KRTAP16-1: variants seen among roughly 807,000 people sequenced by gnomAD.
The protein encoded by KRTAP16-1 is keratin-associated protein 16-1.
For synonymous variants in KRTAP16-1, 262 were observed against 248.0 expected, an observed-to-expected ratio of 1.06 and a Z score of -0.53; for missense variants, 675 against 657.7, an observed-to-expected ratio of 1.03 and a Z score of -0.29.
Position 41,307,820 on chromosome 17 carries a change from G to A in KRTAP16-1, c.1434C>T (p.Pro478=), listed in dbSNP as rs1269184497. The A allele has an allele frequency of 1.9e-6, 3 of 1,550,706 alleles. No homozygotes were observed. In the South Asian group the frequency reaches 3.6e-5, roughly 18 times the overall value. ...CCTCTTCTGAGACATCCACCTTGCA[G>A]GGGGTTGTGTCAACACAATCCAGTT... ...SSQLDCVDTT[P]CKVDVSEEAP... The change falls in exon 1 of 1, where the codon CCC becomes CCT. Residue 478 remains proline (P), a synonymous_variant. Coordinates refer to ENST00000391352, the MANE Select transcript of KRTAP16-1 (RefSeq NM_001146182.2).
chr17:41,309,143 G>A lies in KRTAP16-1; in HGVS notation c.111C>T (p.Ser37=), dbSNP rs1444532759. 3 of 1,550,506 alleles carry A rather than the reference G, an allele frequency of 1.9e-6. No homozygotes were observed. The African/African-American group carries it at 4.1e-5, about 21-fold the overall frequency. The stretch of plus-strand genomic sequence containing the variant: ...GACAAGTCACCAGCTGCCATGTCTG[G>A]CTCTGGCAGGAACTGGGCAGGCAGA... ...GPICLPSSCQ[S]QTWQLVTCQD... is the part of the protein sequence containing the mutation. The change falls in exon 1 of 1, where the codon AGC becomes AGT. Residue 37 remains serine, a synonymous_variant. Coordinates refer to ENST00000391352, the MANE Select transcript of KRTAP16-1 (RefSeq NM_001146182.2).
chr17:41,308,827 A>C lies in KRTAP16-1; in HGVS notation c.427T>G (p.Cys143Gly), dbSNP rs1484091579. 1 of 1,545,316 alleles carries C rather than the reference A, an allele frequency of 6.5e-7. No homozygotes were observed. The highest frequency in any genetic ancestry group is 1.2e-5 in the South Asian group (1 of 83,586). The change falls in exon 1 of 1, where the codon TGT (cysteine) becomes GGT (glycine). Residue 143 changes from cysteine to glycine, a missense_variant. Transcript: ENST00000391352. ...GGTTGAGCACAGCTGCTCACGGAAC[A>C]AGAAGGCTCACAAACGGTGGCCTCA... ...CFEATVCEPS[C>G]SVSSCAQPVC... is the part of the protein sequence containing the mutation.
In KRTAP16-1 at chr17:41,307,947, G is replaced by A. The variant is rs761709081; in HGVS notation, c.1307C>T (p.Pro436Leu). 1.8e-5 allele frequency: 28 copies of A among 1,550,554 alleles called. No individual in the cohort carries two copies. The Middle Eastern group carries it at 8.3e-4, about 46-fold the overall frequency. ...GCAAGAGTAGGAAGTGACACAGGCT[G>A]GGCGGCGCAGGATGGAGTAGCATGG... ...YRPCYSILRR[P>L]ACVTSYSCRP... Residue 436 changes from proline to leucine, a missense_variant, in exon 1 of 1, where the codon CCA (proline) becomes CTA (leucine). By Grantham distance (98) the Pro-to-Leu change is moderately conservative. Transcript: ENST00000391352.
chr17:41,308,356 C>T lies in KRTAP16-1; in HGVS notation c.898G>A (p.Glu300Lys), dbSNP rs1386018781. The T allele has an allele frequency of 1.3e-6, 2 of 1,550,504 alleles. No individual in the cohort carries two copies. Among genetic ancestry groups the T allele is most frequent in the Admixed American group, 3.9e-5 (2 of 50,992 alleles). ...ATACTGGAGACACAACAAGAAGGCT[C>T]TTGGCAAGTGCTGGGGACAGAAGGT... The part of the protein sequence containing the change: ...EPPSVPSTCQ[E>K]PSCCVSSICQ... Residue 300 changes from glutamate (E) to lysine (K), a missense_variant, in exon 1 of 1, where the codon GAG becomes AAG. Transcript: ENST00000391352.
Position 41,307,766 on chromosome 17 carries a change from G to A in KRTAP16-1, c.1488C>T (p.Pro496=), listed in dbSNP as rs184759774. 6.0e-4 allele frequency: 923 copies of A among 1,550,138 alleles called. No homozygotes were observed. The highest frequency in any genetic ancestry group is 7.7e-4 in the Non-Finnish European group (887 of 1,146,700). Residue 496 remains proline (P), a synonymous_variant, in exon 1 of 1, where the codon CCC becomes CCT. Coordinates refer to ENST00000391352, the MANE Select transcript of KRTAP16-1 (RefSeq NM_001146182.2). ...EAPCQPTEAK[P]ISPTTREAAA... is the part of the protein sequence containing the mutation. ...CGGCCTCACGGGTGGTTGGGCTGAT[G>A]GGTTTGGCTTCAGTGGGCTGGCAGG... is the stretch of plus-strand genomic sequence containing the variant.
At position 41,307,822 on chromosome 17, in the gene KRTAP16-1, G is replaced by C; in HGVS notation, c.1432C>G (p.Pro478Ala). 6.4e-7 allele frequency: 1 copy of C among 1,550,784 alleles called. No individual in the cohort carries two copies. Among genetic ancestry groups the C allele is most frequent in the Non-Finnish European group, 8.7e-7 (1 of 1,147,040 alleles). ...TCTTCTGAGACATCCACCTTGCAGG[G>C]GGTTGTGTCAACACAATCCAGTTGG... ...SSQLDCVDTT[P>A]CKVDVSEEAP... is the part of the protein sequence containing the mutation. Residue 478 changes from proline to alanine, a missense_variant, in exon 1 of 1, where the codon CCC becomes GCC. By Grantham distance (27) the Pro-to-Ala change is conservative (BLOSUM62 -1). Transcript: ENST00000391352.
chr17:41,308,274 C>A lies in KRTAP16-1; in HGVS notation c.980G>T (p.Ser327Ile). The change falls in exon 1 of 1, where the codon AGT becomes ATT. Residue 327 changes from serine to isoleucine, a missense_variant. Physicochemically the swap from Ser to Ile is moderately radical, Grantham distance 142 (BLOSUM62 -2). Coordinates refer to ENST00000391352, the MANE Select transcript of KRTAP16-1 (RefSeq NM_001146182.2). Reference protein sequence around the residue: ...SPCSPAVCVSSPCQPTCYVVK... With the variant: ...SPCSPAVCVSIPCQPTCYVVK... ...TACATAGCAAGTAGGTTGGCATGGA[C>A]TGGACACACAGACAGCTGGTGAGCA... 1 of 1,550,732 alleles carries A rather than the reference C, an allele frequency of 6.4e-7. No homozygotes were observed. The highest frequency in any genetic ancestry group is 2.4e-5 in the East Asian group (1 of 40,928).
At position 41,308,280 on chromosome 17, in the gene KRTAP16-1, A is replaced by T. The variant is rs2016933440; in HGVS notation, c.974T>A (p.Val325Glu). Reference protein sequence around the residue: ...EPSPCSPAVCVSSPCQPTCYV... With the variant: ...EPSPCSPAVCESSPCQPTCYV... ...GCAAGTAGGTTGGCATGGACTGGAC[A>T]CACAGACAGCTGGTGAGCAGGGGCT... The change falls in exon 1 of 1, where the codon GTG (valine) becomes GAG (glutamate). Residue 325 changes from valine (V) to glutamate (E), a missense_variant. By Grantham distance (121) the Val-to-Glu change is moderately radical. Coordinates refer to ENST00000391352, the MANE Select transcript of KRTAP16-1 (RefSeq NM_001146182.2). The T allele has an allele frequency of 3.9e-6, 6 of 1,550,644 alleles. No individual in the cohort carries two copies. Among genetic ancestry groups the T allele is most frequent in the Admixed American group, 2.0e-5 (1 of 50,974 alleles).
chr17:41,307,931 G>A lies in KRTAP16-1; in HGVS notation c.1323C>T (p.Ser441=). 1 of 1,550,728 alleles carries A rather than the reference G, an allele frequency of 6.4e-7. No homozygotes were observed. Among genetic ancestry groups the A allele is most frequent in the Non-Finnish European group, 8.7e-7 (1 of 1,147,014 alleles). ...GGAAGTAGACTGGGCGGCAAGAGTA[G>A]GAAGTGACACAGGCTGGGCGGCGCA... ...SILRRPACVT[S]YSCRPVYFRP... The change falls in exon 1 of 1, where the codon TCC becomes TCT. Residue 441 remains serine, a synonymous_variant. Transcript: ENST00000391352.
rs2016934981 is a variant in KRTAP16-1 at position 41,308,354 on chromosome 17, C to T, written c.900G>A (p.Glu300=). The T allele has an allele frequency of 6.4e-7, 1 of 1,550,644 alleles. No homozygotes were observed. Among genetic ancestry groups the T allele is most frequent in the Non-Finnish European group, 8.7e-7 (1 of 1,146,972 alleles). Reference sequence around the variant, plus strand: ...AGATACTGGAGACACAACAAGAAGGCTCTTGGCAAGTGCTGGGGACAGAAG... The same window carrying T: ...AGATACTGGAGACACAACAAGAAGGTTCTTGGCAAGTGCTGGGGACAGAAG... ...EPPSVPSTCQ[E]PSCCVSSICQ... Residue 300 remains glutamate (E), a synonymous_variant, in exon 1 of 1, where the codon GAG becomes GAA. Transcript: ENST00000391352.
chr17:41,309,091 C>T lies in KRTAP16-1; in HGVS notation c.163G>A (p.Gly55Arg). The T allele has an allele frequency of 2.6e-6, 4 of 1,550,658 alleles. No individual in the cohort carries two copies. The highest frequency in any genetic ancestry group is 2.6e-6 in the Non-Finnish European group (3 of 1,146,994). Residue 55 changes from glycine to arginine, a missense_variant, in exon 1 of 1, where the codon GGG (glycine) becomes AGG (arginine). Coordinates refer to ENST00000391352, the MANE Select transcript of KRTAP16-1 (RefSeq NM_001146182.2). ...CAGGAGGGCTGACGGCACTGTGGCCCACAGCTGGATGATCCACAGCTGTCT... is the reference window on the plus strand; with the variant it reads ...CAGGAGGGCTGACGGCACTGTGGCCTACAGCTGGATGATCCACAGCTGTCT... ...CQDSCGSSSC[G>R]PQCRQPSCPV...
rs767592225 is a variant in KRTAP16-1 at position 41,308,419 on chromosome 17, G to A, written c.835C>T (p.Leu279Phe). ...CTCTGAACACAGCAGACAGGGCGGAGGCAAACTGGCTCACAGACCAGAGCC... is the reference window on the plus strand; with the variant it reads ...CTCTGAACACAGCAGACAGGGCGGAAGCAAACTGGCTCACAGACCAGAGCC... ...CVALVCEPVC[L>F]RPVCCVQSSC... The change falls in exon 1 of 1, where the codon CTC (leucine) becomes TTC (phenylalanine). Residue 279 changes from leucine (L) to phenylalanine (F), a missense_variant. By Grantham distance (22) the Leu-to-Phe change is conservative (BLOSUM62 0). Transcript: ENST00000391352. 4.5e-6 allele frequency: 7 copies of A among 1,550,664 alleles called. No individual in the cohort carries two copies. The South Asian group carries it at 5.9e-5, about 13-fold the overall frequency.
rs913493079 is a variant in KRTAP16-1 at position 41,309,080 on chromosome 17, G to A, written c.174C>T (p.Cys58=). The A allele has an allele frequency of 3.2e-6, 5 of 1,550,650 alleles. No homozygotes were observed. The South Asian group carries it at 4.8e-5, about 15-fold the overall frequency. ...TACTCACAGGACAGGAGGGCTGACGGCACTGTGGCCCACAGCTGGATGATC... is the reference window on the plus strand; with the variant it reads ...TACTCACAGGACAGGAGGGCTGACGACACTGTGGCCCACAGCTGGATGATC... ...SCGSSSCGPQ[C]RQPSCPVSSC... is the part of the protein sequence containing the mutation. Residue 58 remains cysteine (C), a synonymous_variant, in exon 1 of 1, where the codon TGC becomes TGT. Transcript: ENST00000391352.
rs1435469967 is a variant in KRTAP16-1 at position 41,308,221 on chromosome 17, C to G, written c.1033G>C (p.Glu345Gln). The change falls in exon 1 of 1, where the codon GAG (glutamate) becomes CAG (glutamine). Residue 345 changes from glutamate (E) to glutamine (Q), a missense_variant. By Grantham distance (29) the Glu-to-Gln change is conservative (BLOSUM62 2). Transcript: ENST00000391352. ...GAGGTAGATGGGCAGGAAACTGGCT[C>G]AGGGCAGACAGAAGGACAGCGCTTG... is the stretch of plus-strand genomic sequence containing the variant. ...VVKRCPSVCP[E>Q]PVSCPSTSCR... 1 of 1,550,486 alleles carries G rather than the reference C, an allele frequency of 6.4e-7. No individual in the cohort carries two copies. The highest frequency in any genetic ancestry group is 1.4e-5 in the African/African-American group (1 of 73,012).
chr17:41,308,328 C>A lies in KRTAP16-1; in HGVS notation c.926G>T (p.Cys309Phe). 6.4e-7 allele frequency: 1 copy of A among 1,550,672 alleles called. No individual in the cohort carries two copies. Among genetic ancestry groups the A allele is most frequent in the South Asian group, 1.2e-5 (1 of 84,044 alleles). Residue 309 changes from cysteine (C) to phenylalanine (F), a missense_variant, in exon 1 of 1, where the codon TGC (cysteine) becomes TTC (phenylalanine). Coordinates refer to ENST00000391352, the MANE Select transcript of KRTAP16-1 (RefSeq NM_001146182.2). ...QEPSCCVSSI[C>F]QPICSEPSPC... is the part of the protein sequence containing the mutation. ...GCTGGGCTCAGAGCAGATGGGTTGG[C>A]AGATACTGGAGACACAACAAGAAGG...
In KRTAP16-1 at chr17:41,308,387, G is replaced by A. The variant is rs766134260; in HGVS notation, c.867C>T (p.Cys289=). The change falls in exon 1 of 1, where the codon TGC becomes TGT. Residue 289 remains cysteine, a synonymous_variant. Coordinates refer to ENST00000391352, the MANE Select transcript of KRTAP16-1 (RefSeq NM_001146182.2). ...LRPVCCVQSS[C]EPPSVPSTCQ... is the part of the protein sequence containing the mutation. ...AAGTGCTGGGGACAGAAGGTGGCTC[G>A]CACGAGCTCTGAACACAGCAGACAG... The A allele has an allele frequency of 1.3e-4, 195 of 1,550,484 alleles. 1 individual carries two copies. The South Asian group carries it at 1.9e-3, about 15-fold the overall frequency.
Position 41,308,148 on chromosome 17 carries a change from C to G in KRTAP16-1, c.1106G>C (p.Cys369Ser). 6 of 1,550,558 alleles carry G rather than the reference C, an allele frequency of 3.9e-6. No individual in the cohort carries two copies. Among genetic ancestry groups the G allele is most frequent in the Non-Finnish European group, 3.5e-6 (4 of 1,147,004 alleles). ...CSPGSSASAI[C>S]RPTCPRTFYI... ...GAAAGTCCTAGGACAAGTTGGTCGG[C>G]AGATGGCAGATGCAGAAGACCCTGG... is the stretch of plus-strand genomic sequence containing the variant. The change falls in exon 1 of 1, where the codon TGC (cysteine) becomes TCC (serine). Residue 369 changes from cysteine (C) to serine (S), a missense_variant. Transcript: ENST00000391352.
rs1291247286 is a variant in KRTAP16-1, at chr17:41,307,993, A to G, written c.1261T>C (p.Tyr421His). ...YRQPYMTSIS[Y>H]RPACYRPCYS... Reference sequence around the variant, plus strand: ...CATGGGCGATAGCAGGCAGGACGGTAGGAGATGGATGTCATGTATGGCTGC... The same window carrying G: ...CATGGGCGATAGCAGGCAGGACGGTGGGAGATGGATGTCATGTATGGCTGC... Residue 421 changes from tyrosine (Y) to histidine (H), a missense_variant, in exon 1 of 1, where the codon TAC (tyrosine) becomes CAC (histidine). Coordinates refer to ENST00000391352, the MANE Select transcript of KRTAP16-1 (RefSeq NM_001146182.2). 1 of 1,550,652 alleles carries G rather than the reference A, an allele frequency of 6.4e-7. No individual in the cohort carries two copies. The highest frequency in any genetic ancestry group is 2.0e-5 in the Admixed American group (1 of 51,004).
In KRTAP16-1 at chr17:41,308,183, A is replaced by T; in HGVS notation, c.1071T>A (p.Leu357=). The change falls in exon 1 of 1, where the codon CTT becomes CTA. Residue 357 remains leucine (L), a synonymous_variant. Coordinates refer to ENST00000391352, the MANE Select transcript of KRTAP16-1 (RefSeq NM_001146182.2). ...VSCPSTSCRP[L]SCSPGSSASA... ...ATGCAGAAGACCCTGGACTGCAGGA[A>T]AGAGGTCGGCAGGAGGTAGATGGGC... 6.4e-7 allele frequency: 1 copy of T among 1,550,652 alleles called. No homozygotes were observed. Among genetic ancestry groups the T allele is most frequent in the Non-Finnish European group, 8.7e-7 (1 of 1,146,988 alleles).
Sources: gnomAD v4.1 joint callset for allele counts on GRCh38, gnomAD v4.1.1 for gene constraint, MANE v1.5 for transcripts, NCBI Gene and HGNC (gene_info 2026-07-23, HGNC 2026-07-21) for gene names.